Variants in EYS observed in about 807,000 individuals in gnomAD.
EYS encodes EGF-like photoreceptor maintenance factor, also known as protein eyes shut homolog.
Under a neutral mutation model 282.1 loss-of-function variants are expected in EYS, and 250 were observed. The ratio of observed to expected loss-of-function variants is 0.89; its 90% CI spans 0.80 to 0.98. EYS has a LOEUF of 0.98. Among genes scored for constraint, EYS ranks in the 50% least tolerant of loss-of-function variants. EYS has a pLI of 0.00. For synonymous variants in EYS, 1,355 were observed against 1,282.9 expected (o/e 1.06, Z -1.20); for missense variants, 4,016 against 3,709.0 (o/e 1.08, Z -2.15).
At chr6:65,002,434 G>A (rs963751592) in intron 13 of EYS, among the ~76,000 whole-genome samples, 2 of 147,408 alleles carry the variant, frequency 1.4e-5, no homozygotes, top group African/African-American at 4.9e-5. Flanking sequence ...GAAAATTAAC[G>A]TGATATTAGT....
chr6:65,553,574 T>C (rs1484879764), intron 2 of EYS, among the ~76,000 whole-genome samples: 6 of 152,152 alleles, frequency 3.9e-5, no homozygotes, highest in Non-Finnish European at 2.9e-5. Context: ...TATGAGACTT[T>C]TGTTATTGTT....
intron 29 of EYS, among the ~76,000 whole-genome samples, chr6:64,338,440 C>T (rs1044917112): frequency 1.6e-4 from 24 of 151,632 alleles, no homozygotes; most frequent in African/African-American, 5.8e-4. Flanking sequence ...GAAAAACCTC[C>T]TCAAGGAAAA....
At chr6:65,194,094 T>C (rs1426586084) in intron 12 of EYS, among the ~76,000 whole-genome samples, 2 of 151,978 alleles carry the variant, frequency 1.3e-5, no homozygotes, top group Non-Finnish European at 2.9e-5. Flanking sequence ...TATAGATTGC[T>C]TAGGGCTACT....
chr6:64,501,411 T>C (rs9444909), intron 26 of EYS, among the ~76,000 whole-genome samples: 6 of 152,046 alleles, frequency 3.9e-5, no homozygotes, highest in African/African-American at 1.4e-4. Flanking sequence ...TGTGATGCAG[T>C]TCCATATTTT....
chr6:64,379,992 TGTCCTTGTTTCAA>T (rs1772690502), intron 29 of EYS, among the ~76,000 whole-genome samples: 1 of 152,166 alleles, frequency 6.6e-6, no homozygotes, highest in African/African-American at 2.4e-5. Context: ...AAAAATCAGG[TGTCCTTGTTTCAA>T]GCCTGGTATT....
chr6:64,591,581 C>T lies in EYS; in HGVS notation c.4286G>A (p.Arg1429Lys). 6.4e-7 allele frequency: 1 copy of T among 1,551,208 alleles called. No homozygotes were observed. Among genetic ancestry groups the T allele is most frequent in the Non-Finnish European group, 8.7e-7 (1 of 1,146,730 alleles). The change falls in exon 26 of 43, where the codon AGA becomes AAA. Residue 1429 changes from arginine to lysine, a missense_variant. Transcript: ENST00000503581. ...LSATPTTSVI[R>K]SIPGADIELN... ...CTCAATATCAGCCCCTGGAATGCTT[C>T]TAATTACTGAAGTCGTTGGGGTAGC...
chr6:64,892,346 G>T (rs893766927), intron 18 of EYS, among the ~76,000 whole-genome samples: 1 of 151,680 alleles, frequency 6.6e-6, no homozygotes, highest in Non-Finnish European at 1.5e-5. Flanking sequence ...AACACAGAAT[G>T]TTTTAATGAG....
chr6:64,267,201 A>G (rs1475614613), intron 30 of EYS, among the ~76,000 whole-genome samples: 2 of 152,244 alleles, frequency 1.3e-5, no homozygotes, highest in Non-Finnish European at 2.9e-5. Context: ...GAAATGTTGC[A>G]TGAAATTAAC....
chr6:64,376,738 G>C (rs1448627217), intron 29 of EYS, among the ~76,000 whole-genome samples: 1 of 152,156 alleles, frequency 6.6e-6, no homozygotes, highest in Non-Finnish European at 1.5e-5. Context: ...TGGTACAAAA[G>C]TAGATTCGTC....
intron 37 of EYS, among the ~76,000 whole-genome samples, chr6:63,803,310 G>C (rs80034496): frequency 1.6e-3 from 236 of 151,962 alleles, no homozygotes; most frequent in African/African-American, 5.2e-3. Context: ...GTGGTGTGCA[G>C]AGTAAAGGGT....
chr6:65,609,556 T>A (rs1018497190), intron 2 of EYS, among the ~76,000 whole-genome samples: 2 of 152,044 alleles, frequency 1.3e-5, no homozygotes, highest in African/African-American at 4.8e-5. Context: ...GAATATCACT[T>A]TTTATTTCCT....
In EYS at chr6:65,195,409, G is replaced by A. The variant is rs115792443; in HGVS notation, c.2023+100454C>T. On this transcript the variant is annotated intron_variant, in intron 12 of 42. Transcript: ENST00000503581. ...TGGTTTTACTTTTGTAGTTGCTTGTGAATCTCTCTTGATAAGGTTAAATAC... is the reference window on the plus strand; with the variant it reads ...TGGTTTTACTTTTGTAGTTGCTTGTAAATCTCTCTTGATAAGGTTAAATAC... Among the ~76,000 whole-genome samples the A allele has an allele frequency of 4.7e-3, 720 of 152,050 alleles. 5 individuals carry two copies. The highest frequency in any genetic ancestry group is 7.5e-3 in the Non-Finnish European group (510 of 67,974).
intron 30 of EYS, among the ~76,000 whole-genome samples, chr6:64,267,490 T>C (rs1196023175): frequency 2.6e-5 from 4 of 152,094 alleles, no homozygotes; most frequent in African/African-American, 9.7e-5. Flanking sequence ...TCATTCTTCC[T>C]GCTAGCATCC....
chr6:64,429,080 G>GA (rs540207557), intron 28 of EYS, among the ~76,000 whole-genome samples: 10 of 151,966 alleles, frequency 6.6e-5, no homozygotes, highest in South Asian at 2.1e-4. Flanking sequence ...TTTTTCTAGA[G>GA]AAAAAAACCC....
intron 2 of EYS, among the ~76,000 whole-genome samples, chr6:65,514,956 A>G (rs1378437628): frequency 6.6e-6 from 1 of 152,160 alleles, no homozygotes; most frequent in African/African-American, 2.4e-5. Context: ...TAATTAAACT[A>G]AAGAGCTTCT....
At chr6:64,701,509 T>C (rs1338768050) in intron 22 of EYS, among the ~76,000 whole-genome samples, 1 of 152,094 alleles carries the variant, frequency 6.6e-6, no homozygotes, top group Non-Finnish European at 1.5e-5. Context: ...TGTATGTTTA[T>C]TGCAGCACTA....
intron 35 of EYS, among the ~76,000 whole-genome samples, chr6:63,893,694 A>G (rs1250352066): frequency 6.6e-6 from 1 of 152,162 alleles, no homozygotes; most frequent in Non-Finnish European, 1.5e-5. Context: ...CATGTTCTGC[A>G]CATGTATCCC....
At chr6:64,903,755 T>C (rs1414619705) in intron 16 of EYS, among the ~76,000 whole-genome samples, 1 of 152,180 alleles carries the variant, frequency 6.6e-6, no homozygotes, top group Non-Finnish European at 1.5e-5. Flanking sequence ...ATTTCATCTT[T>C]TCATATCATA....
At position 65,443,301 on chromosome 6, in the gene EYS, T is replaced by C. The variant is rs544566361; in HGVS notation, c.863-37934A>G. Among the ~76,000 whole-genome samples the C allele has an allele frequency of 5.7e-3, 823 of 144,374 alleles. 37 individuals carry two copies. Among genetic ancestry groups the C allele is most frequent in the African/African-American group, 0.019 (767 of 41,212 alleles). 94.7% of individuals were successfully genotyped at this position (144,374 alleles called of 152,430 possible). A position where few individuals can be genotyped will look rare whatever the true frequency, so the allele number is the denominator to read the frequency against. On this transcript the variant is annotated intron_variant, in intron 5 of 42. Coordinates refer to ENST00000503581, the MANE Select transcript of EYS (RefSeq NM_001142800.2). Reference sequence around the variant, plus strand: ...ATGTATGCATGCATATATGCATACATGTGTGTACACATATAGACATATATG... The same window carrying C: ...ATGTATGCATGCATATATGCATACACGTGTGTACACATATAGACATATATG...
Sources: allele counts gnomAD v4.1 joint callset (sites outside exome capture counted in the v4.1 genomes callset), GRCh38; gene constraint gnomAD v4.1.1; transcripts MANE v1.5; gene names NCBI Gene and HGNC (gene_info 2026-07-23, HGNC 2026-07-21).